Variants in RPH3AL observed in about 807,000 individuals in gnomAD.
The protein encoded by RPH3AL is rab effector Noc2.
RPH3AL carries 38 observed loss-of-function variants against 43.1 expected under a neutral mutation model. The observed-to-expected ratio is 0.88, with a 90% confidence interval of 0.68 to 1.15. The LOEUF (loss-of-function observed/expected upper bound fraction) is 1.15. RPH3AL is among the 50% of genes most tolerant of loss of function. The pLI is 0.00. For missense variants in RPH3AL, 462 were observed against 423.2 expected (o/e 1.09, Z -0.81); for synonymous variants, 189 against 176.3 (o/e 1.07, Z -0.57).
In RPH3AL at chr17:333,402, G is replaced by A; in HGVS notation, c.-37+357C>T. 3 of 798,046 alleles carry A rather than the reference G, an allele frequency of 3.8e-6. No individual in the cohort carries two copies. Among genetic ancestry groups the A allele is most frequent in the Admixed American group, 2.9e-5 (1 of 34,732 alleles). The allele number at this position is 798,046 out of a possible 1,614,324, so 49.4% of individuals were successfully genotyped here. A position where few individuals can be genotyped will look rare whatever the true frequency, so the allele number is the denominator to read the frequency against. On this transcript the variant is annotated intron_variant, in intron 2 of 9. Transcript: ENST00000331302. This position sits in a 1 kb window ranked among gnomAD's most constrained non-coding sequence, Gnocchi z 4.5. ...ATGTAGCACCTTCCAACTTTTCCTGGGCATTTATGTACAAATTGTAATAAA... is the reference window on the plus strand; with the variant it reads ...ATGTAGCACCTTCCAACTTTTCCTGAGCATTTATGTACAAATTGTAATAAA...
chr17:252,961 G>C (rs1555543131), intron 6 of RPH3AL, among the ~76,000 whole-genome samples: 9 of 152,304 alleles, frequency 5.9e-5, no homozygotes, highest in Middle Eastern at 3.4e-3. Context: ...TGTGTGTTTG[G>C]ATGATGACAT....
intron 1 of RPH3AL, among the ~76,000 whole-genome samples, chr17:336,502 G>A (rs978559304): frequency 6.6e-6 from 1 of 152,108 alleles, no homozygotes; most frequent in African/African-American, 2.4e-5. Flanking sequence ...GCTCGGGGCG[G>A]CTCCCCCTCC....
chr17:262,821 C>T (rs2042232260), intron 6 of RPH3AL, among the ~76,000 whole-genome samples: 1 of 152,172 alleles, frequency 6.6e-6, no homozygotes, highest in Non-Finnish European at 1.5e-5. Context: ...CTAGGGACAG[C>T]CCCTATGCCA....
intron 5 of RPH3AL, among the ~76,000 whole-genome samples, chr17:315,239 C>G (rs373951611): frequency 0.043 from 92 of 2,138 alleles, 1 homozygote; most frequent in East Asian, 0.12. Context: ...CACCTTCATT[C>G]ACCTGTAGTC....
intron 5 of RPH3AL, among the ~76,000 whole-genome samples, chr17:293,476 G>T (rs55642001): frequency 6.6e-6 from 1 of 151,790 alleles, no homozygotes; most frequent in Admixed American, 6.6e-5. Context: ...GGGGGCCGGG[G>T]CTCCGGGGGT....
At chr17:337,020 C>T (rs927043551) in intron 1 of RPH3AL, among the ~76,000 whole-genome samples, 22 of 152,192 alleles carry the variant, frequency 1.4e-4, no homozygotes, top group Admixed American at 2.6e-4. Flanking sequence ...CCTGTTACCC[C>T]GATGCCCAGA....
intron 5 of RPH3AL, among the ~76,000 whole-genome samples, chr17:300,811 C>A (rs1555564850): frequency 1.4e-5 from 2 of 141,198 alleles, no homozygotes; most frequent in Non-Finnish European, 3.0e-5. Flanking sequence ...CCCGCAGAAT[C>A]TCTTACCCGC....
In RPH3AL at chr17:297,229, G is replaced by A. The variant is rs575476256; in HGVS notation, c.352-15375C>T. Among the ~76,000 whole-genome samples the A allele has an allele frequency of 2.0e-5, 3 of 152,330 alleles. No individual in the cohort carries two copies. In the South Asian group the frequency reaches 6.2e-4, roughly 32 times the overall value. ...CGCCTATCCCCACATGCCCCACCCA[G>A]GGCACCTCTCCCATCTGGCGGCTGC... On this transcript the variant is annotated intron_variant, in intron 5 of 9. Transcript: ENST00000331302.
chr17:336,305 C>G (rs2044951957), intron 1 of RPH3AL, among the ~76,000 whole-genome samples: 1 of 152,178 alleles, frequency 6.6e-6, no homozygotes, highest in Non-Finnish European at 1.5e-5. Flanking sequence ...ATTAAAGACT[C>G]AGAGAGGGAG....
At chr17:250,847 C>A (rs1555542307) in intron 6 of RPH3AL, among the ~76,000 whole-genome samples, 1 of 151,944 alleles carries the variant, frequency 6.6e-6, no homozygotes, top group East Asian at 1.9e-4. Flanking sequence ...TCCATCACTG[C>A]AGGACCTCTC....
chr17:296,943 G>C (rs951186544), intron 5 of RPH3AL, among the ~76,000 whole-genome samples: 1 of 152,170 alleles, frequency 6.6e-6, no homozygotes, highest in African/African-American at 2.4e-5. Context: ...GGACAAGGCT[G>C]GGTCTCGTGG....
rs1269379413 is a variant in RPH3AL at position 264,494 on chromosome 17, G to A, written c.439-17209C>T. ...AGCGCTGGATGGGGACTCAGAATCC[G>A]CAGCATGTTGACAGCAGGATTACCC... On this transcript the variant is annotated intron_variant, in intron 6 of 9. Transcript: ENST00000331302. This position sits in a 1 kb window ranked among gnomAD's most constrained non-coding sequence, Gnocchi z 4.8. Among the ~76,000 whole-genome samples the A allele has an allele frequency of 1.3e-5, 2 of 149,866 alleles. No homozygotes were observed. The highest frequency in any genetic ancestry group is 3.0e-5 in the Non-Finnish European group (2 of 67,270).
rs12938328 is a variant in RPH3AL, at chr17:225,019, C to T, written c.614-5283G>A. ...TAGGAGATATACCTAATGTAAATGA[C>T]GAGTTAATGGGTGCAGCACACCAAC... On this transcript the variant is annotated intron_variant, in intron 7 of 9. Transcript: ENST00000331302. The surrounding 1 kb of genome is among the most constrained non-coding windows in gnomAD (Gnocchi z 4.4). 0.095 allele frequency among the ~76,000 whole-genome samples: 14,332 copies of T among 150,322 alleles called. 927 individuals are homozygous for T. Among genetic ancestry groups the T allele is most frequent in the Non-Finnish European group, 0.14 (9,562 of 67,756 alleles).
rs949656494 is a variant in RPH3AL, at chr17:333,429, T to C, written c.-37+330A>G. 4.5e-6 allele frequency: 3 copies of C among 668,176 alleles called. No individual in the cohort carries two copies. The highest frequency in any genetic ancestry group is 6.6e-6 in the Non-Finnish European group (3 of 456,920). The allele number at this position is 668,176 out of a possible 1,614,324, so 41.4% of individuals were successfully genotyped here. A position where few individuals can be genotyped will look rare whatever the true frequency, so the allele number is the denominator to read the frequency against. Reference sequence around the variant, plus strand: ...CATTTATGTACAAATTGTAATAAAATTGGGTTCTTACTGCATACGCTGCTT... The same window carrying C: ...CATTTATGTACAAATTGTAATAAAACTGGGTTCTTACTGCATACGCTGCTT... On this transcript the variant is annotated intron_variant, in intron 2 of 9. Coordinates refer to ENST00000331302, the MANE Select transcript of RPH3AL (RefSeq NM_006987.4). This position sits in a 1 kb window ranked among gnomAD's most constrained non-coding sequence, Gnocchi z 4.5.
At chr17:327,010 T>G (rs547139193) in intron 3 of RPH3AL, among the ~76,000 whole-genome samples, 2 of 152,336 alleles carry the variant, frequency 1.3e-5, no homozygotes, top group Admixed American at 1.3e-4. Context: ...AACAGACTTT[T>G]GTTCCCCCGT....
intron 2 of RPH3AL, 140 bp from the exon 3 acceptor site, chr17:327,719 A>G: frequency 1.7e-6 from 1 of 605,870 alleles, no homozygotes. Context: ...CACTGTGGGA[A>G]CCATCTCTCC....
At chr17:334,011 AG>A (rs2044872824) in intron 1 of RPH3AL, 77 bp from the exon 2 acceptor site, 1 of 152,446 alleles carries the variant, frequency 6.6e-6, no homozygotes, top group Non-Finnish European at 1.5e-5. Context: ...ACTTAAAAGA[AG>A]GCTTCTATCT....
chr17:325,521 T>TC (rs541141106), intron 3 of RPH3AL, among the ~76,000 whole-genome samples: 52 of 151,884 alleles, frequency 3.4e-4, no homozygotes, highest in African/African-American at 1.2e-3. Flanking sequence ...TGGAAGCGCT[T>TC]CCCCCCTACT....
chr17:272,124 G>A (rs1337560755), intron 6 of RPH3AL, among the ~76,000 whole-genome samples: 1 of 152,206 alleles, frequency 6.6e-6, no homozygotes, highest in Admixed American at 6.5e-5. Context: ...TGGAGAGGAT[G>A]TGGAGAAATA....
Sources: gnomAD v4.1 joint callset for allele counts (sites outside exome capture counted in the v4.1 genomes callset) on GRCh38, gnomAD v4.1.1 for gene constraint, Gnocchi (gnomAD v3.1) non-coding constraint, MANE v1.5 for transcripts, NCBI Gene and HGNC (gene_info 2026-07-23, HGNC 2026-07-21) for gene names.